COL13A1: variants seen among roughly 807,000 people sequenced by gnomAD.
COL13A1 encodes collagen alpha-1(XIII) chain.
In COL13A1, 89 loss-of-function variants were observed where a neutral mutation model predicts 130.9. The ratio of observed to expected loss-of-function variants is 0.68; its 90% CI spans 0.57 to 0.81. The LOEUF (loss-of-function observed/expected upper bound fraction) is 0.81, where lower values mean the gene tolerates loss of function less well. Ranked by LOEUF, COL13A1 falls within the 30% of genes least tolerant of loss-of-function variation. The pLI is 0.00. For synonymous variants in COL13A1, 402 were observed against 341.6 expected, an observed-to-expected ratio of 1.18 and a Z score of -1.95; for missense variants, 879 against 934.6, an observed-to-expected ratio of 0.94 and a Z score of 0.78.
In COL13A1 at chr10:69,925,834, ATGG is replaced by A. The variant is rs1164473553; in HGVS notation, c.1364_1366del (p.Val455del). 1 of 1,601,206 alleles carries A rather than the reference ATGG, an allele frequency of 6.2e-7. No individual in the cohort carries two copies. The highest frequency in any genetic ancestry group is 8.5e-7 in the Non-Finnish European group (1 of 1,173,980). ...CAAGGGAGAACCAGGGAAAGGAGAGATGGTGGATTACAATGGAAACATCAATGA... is the reference window on the plus strand; with the variant it reads ...CAAGGGAGAACCAGGGAAAGGAGAGATGGATTACAATGGAAACATCAATGA... On this transcript the variant is annotated inframe_deletion, in exon 26 of 41. Transcript: ENST00000645393.
chr10:69,949,194 G>A (rs2068994412), intron 38 of COL13A1, among the ~76,000 whole-genome samples: 1 of 152,102 alleles, frequency 6.6e-6, no homozygotes. Flanking sequence ...ACCTTTCTTT[G>A]TTTCTTCGAG....
intron 5 of COL13A1, 33 bp from the exon 6 acceptor site, chr10:69,878,006 T>C (rs1401669134): frequency 1.4e-6 from 1 of 702,952 alleles, no homozygotes; most frequent in Admixed American, 2.0e-5. Context: ...TCCTTTCCCT[T>C]CCTGCACCCT....
Position 69,924,973 on chromosome 10 carries a change from G to T in COL13A1, c.1295G>T (p.Gly432Val). 6.3e-7 allele frequency: 1 copy of T among 1,593,380 alleles called. No individual in the cohort carries two copies. The highest frequency in any genetic ancestry group is 8.5e-7 in the Non-Finnish European group (1 of 1,170,364). ...PGQPGDKGER[G>V]AAGEQGPDGP... is the part of the protein sequence containing the mutation. Reference sequence around the variant, plus strand: ...TTTGTCATGCAACAGGGGGAGCGTGGAGCAGCTGGAGAACAGGGACCAGAT... The same window carrying T: ...TTTGTCATGCAACAGGGGGAGCGTGTAGCAGCTGGAGAACAGGGACCAGAT... Residue 432 changes from glycine (G) to valine (V), a missense_variant, in exon 25 of 41, where the codon GGA becomes GTA. Gly to Val is a moderately radical substitution (Grantham distance 109). Coordinates refer to ENST00000645393, the MANE Select transcript of COL13A1 (RefSeq NM_001368882.1).
intron 2 of COL13A1, among the ~76,000 whole-genome samples, chr10:69,846,207 C>T (rs1189561508): frequency 6.6e-6 from 1 of 152,224 alleles, no homozygotes; most frequent in African/African-American, 2.4e-5. Context: ...GCAGCCCAGC[C>T]CTCGGTAACA....
At chr10:69,904,071 C>T (rs2062474224) in intron 15 of COL13A1, among the ~76,000 whole-genome samples, 2 of 152,316 alleles carry the variant, frequency 1.3e-5, no homozygotes, top group South Asian at 4.1e-4. Flanking sequence ...CCCAGCACCC[C>T]AGAGAGGGGG....
At chr10:69,803,204 G>A (rs915000336) in intron 1 of COL13A1, among the ~76,000 whole-genome samples, 10 of 152,210 alleles carry the variant, frequency 6.6e-5, no homozygotes, top group African/African-American at 2.4e-4. Context: ...TCTTGCAGGG[G>A]GTGGTGCCCT....
At chr10:69,927,220 G>T (rs1384785632) in intron 27 of COL13A1, 110 bp downstream of exon 27, 2 of 1,525,072 alleles carry the variant, frequency 1.3e-6, no homozygotes. Flanking sequence ...GTACTGGGCT[G>T]CAGATTAGGG....
intron 26 of COL13A1, among the ~76,000 whole-genome samples, chr10:69,926,476 C>G (rs1331141985): frequency 6.6e-6 from 1 of 152,200 alleles, no homozygotes; most frequent in Non-Finnish European, 1.5e-5. Flanking sequence ...CTGTGACAAC[C>G]AAACTATGTC....
chr10:69,925,655 G>C, intron 25 of COL13A1, 149 bp from the exon 26 acceptor site: 1 of 630,482 alleles, frequency 1.6e-6, no homozygotes, highest in Non-Finnish European at 2.9e-6. Context: ...CTCTGAGAGT[G>C]TTCAGAATCC....
At chr10:69,944,949 G>A (rs2068251508) in intron 36 of COL13A1, among the ~76,000 whole-genome samples, 2 of 152,230 alleles carry the variant, frequency 1.3e-5, no homozygotes, top group Admixed American at 6.5e-5. Flanking sequence ...AGGCTCCCAC[G>A]GTCGCTGTCG....
chr10:69,868,781 C>T (rs769384701), intron 3 of COL13A1, among the ~76,000 whole-genome samples: 106 of 152,332 alleles, frequency 7.0e-4, no homozygotes, highest in Middle Eastern at 6.8e-3. Flanking sequence ...CTGAGGATCC[C>T]ATGGCCCCTG....
chr10:69,896,652 A>G (rs2061673974), intron 13 of COL13A1, among the ~76,000 whole-genome samples: 1 of 152,194 alleles, frequency 6.6e-6, no homozygotes, highest in Non-Finnish European at 1.5e-5. Flanking sequence ...CTCTGCCCAG[A>G]CCCTCAGGAA....
At chr10:69,945,926 C>T (rs1350144650) in intron 37 of COL13A1, among the ~76,000 whole-genome samples, 1 of 152,058 alleles carries the variant, frequency 6.6e-6, no homozygotes, top group Non-Finnish European at 1.5e-5. Context: ...CAAAACTTAG[C>T]CACGTGTGGT....
At position 69,894,690 on chromosome 10, in the gene COL13A1, AAAGGAGAAAAGGT is replaced by A; in HGVS notation, c.650_657+5del. The A allele has an allele frequency of 6.2e-7, 1 of 1,614,030 alleles. No homozygotes were observed. The highest frequency in any genetic ancestry group is 8.5e-7 in the Non-Finnish European group (1 of 1,179,900). On this transcript the variant is annotated splice_donor_variant and coding_sequence_variant, in exon 12 of 41. Transcript: ENST00000645393. LOFTEE classifies it high-confidence loss of function. ...CTCTTTGTAGGGACCCCAGGGACAA[AAAGGAGAAAAGGT>A]AAGAGCAGTGGAGGTTTCCTAGAGT...
chr10:69,852,699 C>T (rs561788610), intron 2 of COL13A1, among the ~76,000 whole-genome samples: 2 of 152,324 alleles, frequency 1.3e-5, no homozygotes, highest in African/African-American at 2.4e-5. Context: ...GGGCTGGGGG[C>T]AAGTACAAGG....
At chr10:69,896,639 A>G (rs2061672986) in intron 13 of COL13A1, among the ~76,000 whole-genome samples, 1 of 152,204 alleles carries the variant, frequency 6.6e-6, no homozygotes, top group South Asian at 2.1e-4. Flanking sequence ...AGCAGGGCCT[A>G]GCCTCTGCCC....
chr10:69,881,803 T>G (rs1459439270), intron 7 of COL13A1, among the ~76,000 whole-genome samples: 3 of 152,318 alleles, frequency 2.0e-5, no homozygotes, highest in Admixed American at 2.0e-4. Context: ...AAGGACTCCA[T>G]GACATAGGGA....
intron 1 of COL13A1, among the ~76,000 whole-genome samples, chr10:69,813,340 G>A (rs1006824715): frequency 6.6e-6 from 1 of 152,152 alleles, no homozygotes; most frequent in African/African-American, 2.4e-5. Flanking sequence ...GCAGTAGCAG[G>A]GCCTTGGGTT....
intron 33 of COL13A1, 114 bp downstream of exon 33, chr10:69,936,896 A>C: frequency 8.2e-7 from 1 of 1,224,970 alleles, no homozygotes; most frequent in Admixed American, 1.9e-5. Flanking sequence ...ACTCCAGCCA[A>C]GGGGGTCCAG....
Sources: gnomAD v4.1 joint callset for allele counts (sites outside exome capture counted in the v4.1 genomes callset) on GRCh38, gnomAD v4.1.1 for gene constraint, MANE v1.5 for transcripts, NCBI Gene and HGNC (gene_info 2026-07-23, HGNC 2026-07-21) for gene names.